MGST1: variants seen among roughly 807,000 people sequenced by gnomAD.
MGST1 encodes microsomal glutathione S-transferase 1.
In MGST1, 5 loss-of-function variants were observed where a neutral mutation model predicts 8.9. The observed-to-expected ratio is 0.56, with a 90% CI of 0.29 to 1.19. The LOEUF (loss-of-function observed/expected upper bound fraction) is 1.19, where lower values mean the gene tolerates loss of function less well. Among genes scored for constraint, MGST1 ranks in the 50% most tolerant of loss-of-function variants. MGST1 has a pLI of 0.08. For synonymous variants in MGST1, 54 were observed against 67.8 expected (o/e 0.80, Z 1.00); for missense variants, 182 against 187.4 (o/e 0.97, Z 0.17).
chr12:16,451,626 TTAAAC>T (rs1253862536), intron 4 of MGST1, among the ~76,000 whole-genome samples: 1 of 151,878 alleles, frequency 6.6e-6, no homozygotes, highest in Non-Finnish European at 1.5e-5. Context: ...AAAAAGGTCT[TTAAAC>T]TATATGATAT....
chr12:16,429,755 C>T (rs1353781220), intron 1 of MGST1, among the ~76,000 whole-genome samples: 1 of 152,132 alleles, frequency 6.6e-6, no homozygotes, highest in African/African-American at 2.4e-5. Flanking sequence ...GCAACTTTAG[C>T]AAGTCATAAT....
intron 4 of MGST1, among the ~76,000 whole-genome samples, chr12:16,579,920 A>C (rs913909977): frequency 1.3e-5 from 2 of 152,208 alleles, no homozygotes; most frequent in African/African-American, 4.8e-5. Context: ...CCAACAGAGA[A>C]CCAGGTATCT....
At chr12:16,591,999 T>C (rs1192451924), downstream of MGST1, among the ~76,000 whole-genome samples, 1 of 152,076 alleles carries the variant, frequency 6.6e-6, no homozygotes, top group Non-Finnish European at 1.5e-5. The surrounding 1 kb of genome is among the most constrained non-coding windows in gnomAD (Gnocchi z 4.1). Flanking sequence ...ATAGTGACTA[T>C]GTTTATCAGG....
At chr12:16,415,030 A>AT (rs1284428091) in intron 1 of MGST1, among the ~76,000 whole-genome samples, 1 of 151,592 alleles carries the variant, frequency 6.6e-6, no homozygotes, top group South Asian at 2.1e-4. Context: ...GCCTCAAAAA[A>AT]TTTTTTTTTC....
intron 4 of MGST1, among the ~76,000 whole-genome samples, chr12:16,578,818 A>AAACAACAACAACAACAAC (rs201327858): frequency 1.5e-4 from 21 of 141,136 alleles, no homozygotes; most frequent in Middle Eastern, 3.5e-3. Flanking sequence ...ATTCTGTCTC[A>AAACAACAACAACAACAAC]AACAACAACA....
At chr12:16,492,300 A>C (rs1423426226) in intron 4 of MGST1, among the ~76,000 whole-genome samples, 1 of 152,122 alleles carries the variant, frequency 6.6e-6, no homozygotes, top group East Asian at 1.9e-4. Context: ...TAAAGTCACC[A>C]TGTTTTCCTG....
At chr12:16,469,413 T>G (rs1443558234) in intron 4 of MGST1, among the ~76,000 whole-genome samples, 1 of 152,174 alleles carries the variant, frequency 6.6e-6, no homozygotes, top group East Asian at 1.9e-4. Context: ...GGTCTCAAAC[T>G]CCTGACTTCA....
intron 1 of MGST1, among the ~76,000 whole-genome samples, chr12:16,395,897 G>A (rs922509824): frequency 6.6e-6 from 1 of 151,216 alleles, no homozygotes; most frequent in Non-Finnish European, 1.5e-5. Flanking sequence ...CTTGAGAATT[G>A]TGCTGCTATA....
intron 4 of MGST1, among the ~76,000 whole-genome samples, chr12:16,508,523 A>G (rs536469949): frequency 2.9e-4 from 44 of 152,316 alleles, no homozygotes; most frequent in African/African-American, 1.0e-3. Flanking sequence ...AAATGTTAGT[A>G]AGATGAACAT....
chr12:16,562,489 G>A (rs1164537127), intron 4 of MGST1, among the ~76,000 whole-genome samples: 2 of 152,112 alleles, frequency 1.3e-5, no homozygotes, highest in Non-Finnish European at 2.9e-5. Flanking sequence ...CATTTCAATT[G>A]CTCTCGCTAG....
intron 1 of MGST1, among the ~76,000 whole-genome samples, chr12:16,424,517 T>G (rs942956685): frequency 2.0e-5 from 3 of 152,326 alleles, no homozygotes; most frequent in Admixed American, 6.5e-5. Flanking sequence ...TTTCCTCTAA[T>G]TATTTCTTCT....
intron 1 of MGST1, among the ~76,000 whole-genome samples, chr12:16,384,427 C>G (rs1425916189): frequency 6.6e-6 from 1 of 152,030 alleles, no homozygotes; most frequent in Non-Finnish European, 1.5e-5. Context: ...AGAGAGAAGT[C>G]CACGTGAGGA....
intron 4 of MGST1, among the ~76,000 whole-genome samples, chr12:16,541,985 C>T (rs1404840173): frequency 6.6e-6 from 1 of 152,122 alleles, no homozygotes; most frequent in Non-Finnish European, 1.5e-5. Flanking sequence ...CTGTTTAAGT[C>T]CGCCCTGCTG....
intron 4 of MGST1, among the ~76,000 whole-genome samples, chr12:16,564,748 T>C (rs1371757976): frequency 6.6e-6 from 1 of 152,186 alleles, no homozygotes; most frequent in African/African-American, 2.4e-5. Flanking sequence ...ATCAGATCAG[T>C]AGTCAAGCAA....
At chr12:16,522,843 G>A (rs1565468966) in intron 4 of MGST1, among the ~76,000 whole-genome samples, 1 of 152,076 alleles carries the variant, frequency 6.6e-6, no homozygotes, top group Non-Finnish European at 1.5e-5. Flanking sequence ...CTTGGCCTTA[G>A]GTAACCTTTC....
chr12:16,554,302 C>A (rs1225733177), intron 4 of MGST1, among the ~76,000 whole-genome samples: 1 of 152,150 alleles, frequency 6.6e-6, no homozygotes, highest in Non-Finnish European at 1.5e-5. Flanking sequence ...TTAGCCTAGC[C>A]ATCTTCTTTC....
At chr12:16,409,183 A>G (rs1940720217) in intron 1 of MGST1, among the ~76,000 whole-genome samples, 1 of 152,118 alleles carries the variant, frequency 6.6e-6, no homozygotes, top group Non-Finnish European at 1.5e-5. Context: ...ACAGTTCACA[A>G]AGAGATATGT....
chr12:16,395,788 T>TACACAC (rs1352434655), intron 1 of MGST1, among the ~76,000 whole-genome samples: 41 of 121,606 alleles, frequency 3.4e-4, no homozygotes, highest in East Asian at 2.4e-3. Flanking sequence ...ATCATATATA[T>TACACAC]ATATATATAT....
chr12:16,488,188 T>C (rs1340765005), intron 4 of MGST1, among the ~76,000 whole-genome samples: 2 of 152,212 alleles, frequency 1.3e-5, no homozygotes, highest in Non-Finnish European at 2.9e-5. Flanking sequence ...TATAAATCTT[T>C]CTGAACAATT....
Sources: allele counts gnomAD v4.1 joint callset (sites outside exome capture counted in the v4.1 genomes callset), GRCh38; gene constraint gnomAD v4.1.1; non-coding constraint Gnocchi (gnomAD v3.1); transcripts MANE v1.5; gene names NCBI Gene and HGNC (gene_info 2026-07-23, HGNC 2026-07-21).